The following PPARGC1B variants were observed in gnomAD, a reference collection of about 807,000 sequenced individuals.
PPARGC1B encodes peroxisome proliferator-activated receptor gamma coactivator 1-beta.
In PPARGC1B, 34 loss-of-function variants were observed where a neutral mutation model predicts 101.6. The observed-to-expected ratio is 0.33, with a 90% CI of 0.25 to 0.45. The LOEUF is 0.45. Ranked by LOEUF, PPARGC1B falls within the 20% of genes least tolerant of loss-of-function variation. The pLI is 1.00. For missense variants in PPARGC1B, 1,234 were observed against 1,317.6 expected, an observed-to-expected ratio of 0.94 and a Z score of 0.98; for synonymous variants, 548 against 539.3, an observed-to-expected ratio of 1.02 and a Z score of -0.22.
intron 1 of PPARGC1B, among the ~76,000 whole-genome samples, chr5:149,770,900 C>A (rs1387376042): frequency 6.6e-6 from 1 of 151,898 alleles, no homozygotes; most frequent in Non-Finnish European, 1.5e-5. Context: ...GTATGAGACA[C>A]CTTGAGTGAT....
At chr5:149,797,486 A>G (rs1257971863) in intron 1 of PPARGC1B, among the ~76,000 whole-genome samples, 2 of 152,254 alleles carry the variant, frequency 1.3e-5, no homozygotes, top group Non-Finnish European at 2.9e-5. Flanking sequence ...CCAAATTATA[A>G]GTAATTATTA....
chr5:149,803,090 C>T (rs1007707151), intron 1 of PPARGC1B, among the ~76,000 whole-genome samples: 1 of 152,186 alleles, frequency 6.6e-6, no homozygotes, highest in African/African-American at 2.4e-5. Context: ...CGTGCTGACC[C>T]TGCATGTCTC....
chr5:149,823,603 G>A (rs901931119), intron 2 of PPARGC1B, among the ~76,000 whole-genome samples: 4 of 152,110 alleles, frequency 2.6e-5, no homozygotes, highest in African/African-American at 9.7e-5. Flanking sequence ...CTCTGTTTCT[G>A]TGCTGAGCAG....
intron 1 of PPARGC1B, among the ~76,000 whole-genome samples, chr5:149,757,100 G>T (rs1027363507): frequency 3.3e-5 from 5 of 152,144 alleles, no homozygotes; most frequent in Non-Finnish European, 5.9e-5. Flanking sequence ...TAAAACAAGG[G>T]CATGTCATGG....
At chr5:149,741,532 GT>G (rs1311696121) in intron 1 of PPARGC1B, among the ~76,000 whole-genome samples, 2 of 152,104 alleles carry the variant, frequency 1.3e-5, no homozygotes, top group Non-Finnish European at 2.9e-5. Context: ...AGCCTCAAAT[GT>G]CCATGTAGCT....
At chr5:149,845,987 C>G (rs1370167280) in intron 11 of PPARGC1B, 73 bp downstream of exon 11, 1 of 1,587,416 alleles carries the variant, frequency 6.3e-7, no homozygotes, top group Non-Finnish European at 8.6e-7. Flanking sequence ...TTGAACAAAA[C>G]CCAGAGCTAA....
intron 1 of PPARGC1B, among the ~76,000 whole-genome samples, chr5:149,744,519 G>C (rs1273774155): frequency 6.6e-6 from 1 of 152,134 alleles, no homozygotes; most frequent in African/African-American, 2.4e-5. Context: ...TCTGAGGAAA[G>C]GTACATTCTG....
Position 149,820,503 on chromosome 5 carries a change from G to A in PPARGC1B, c.149G>A (p.Ser50Asn), listed in dbSNP as rs146830741. Residue 50 changes from serine to asparagine, a missense_variant, in exon 2 of 12, where the codon AGC becomes AAC. Physicochemically the swap from Ser to Asn is conservative, Grantham distance 46 (BLOSUM62 1). Coordinates refer to ENST00000309241, the MANE Select transcript of PPARGC1B (RefSeq NM_133263.4). ...CTTGACCTCTCCCAGCTGGATGCCA[G>A]CGACTTTGACTCGGCCACCTGCTTT... Reference protein sequence around the residue: ...PELDLSQLDASDFDSATCFGE... With the variant: ...PELDLSQLDANDFDSATCFGE... 3.3e-5 allele frequency: 54 copies of A among 1,613,962 alleles called. No homozygotes were observed. In the African/African-American group the frequency reaches 4.5e-4, roughly 14 times the overall value.
chr5:149,757,615 G>A (rs551785177), intron 1 of PPARGC1B, among the ~76,000 whole-genome samples: 14 of 152,198 alleles, frequency 9.2e-5, no homozygotes, highest in African/African-American at 2.4e-4. Flanking sequence ...TAGTGTCAGC[G>A]TCTGCAGCCA....
rs779985626 is a variant in PPARGC1B at position 149,845,805 on chromosome 5, G to C, written c.2862G>C (p.Ala954=). Reference sequence around the variant, plus strand: ...TCACCTACCGGTGTTCTGAGCACGCGGCCCTCTCTTTGACAAAGGGCGCTG... The same window carrying C: ...TCACCTACCGGTGTTCTGAGCACGCCGCCCTCTCTTTGACAAAGGGCGCTG... ...GFITYRCSEH[A]ALSLTKGAAL... is the part of the protein sequence containing the mutation. The change falls in exon 11 of 12, where the codon GCG becomes GCC. Residue 954 remains alanine (A), a synonymous_variant. Coordinates refer to ENST00000309241, the MANE Select transcript of PPARGC1B (RefSeq NM_133263.4). 5 of 1,613,958 alleles carry C rather than the reference G, an allele frequency of 3.1e-6. No homozygotes were observed. The Admixed American group carries it at 8.3e-5, about 27-fold the overall frequency.
chr5:149,772,446 G>C (rs1182376737), intron 1 of PPARGC1B, among the ~76,000 whole-genome samples: 1 of 152,174 alleles, frequency 6.6e-6, no homozygotes. Flanking sequence ...TAGGGCTACT[G>C]TAATAAAGTA....
intron 1 of PPARGC1B, among the ~76,000 whole-genome samples, chr5:149,768,881 C>T (rs896064667): frequency 1.3e-5 from 2 of 152,088 alleles, no homozygotes; most frequent in Non-Finnish European, 2.9e-5. Flanking sequence ...TCTTGAACTC[C>T]TGAGCTCAAG....
chr5:149,755,633 A>G (rs1242301798), intron 1 of PPARGC1B, among the ~76,000 whole-genome samples: 1 of 142,488 alleles, frequency 7.0e-6, no homozygotes, highest in East Asian at 2.0e-4. Context: ...TATTATTATT[A>G]TTATTATTAT....
chr5:149,809,687 TAAAAAAAAA>T (rs35168335), intron 1 of PPARGC1B, among the ~76,000 whole-genome samples: 2 of 109,230 alleles, frequency 1.8e-5, no homozygotes, highest in Non-Finnish European at 3.6e-5. Flanking sequence ...GATCCTTTCT[TAAAAAAAAA>T]AAAAAAAAAA....
chr5:149,789,066 A>G (rs1226367569), intron 1 of PPARGC1B, among the ~76,000 whole-genome samples: 2 of 152,188 alleles, frequency 1.3e-5, no homozygotes, highest in African/African-American at 4.8e-5. Flanking sequence ...TACCCTAGAA[A>G]GAACTTAAGT....
intron 1 of PPARGC1B, among the ~76,000 whole-genome samples, chr5:149,809,232 CATAGATAGATAGATAGATAG>C (rs780945170): frequency 6.1e-4 from 5 of 8,154 alleles, no homozygotes; most frequent in African/African-American, 1.3e-3. Context: ...CCATCTCTAC[CATAGATAGATAGATAGATAG>C]ATAGATAGAT....
chr5:149,773,249 G>A (rs956307699), intron 1 of PPARGC1B, among the ~76,000 whole-genome samples: 3 of 152,236 alleles, frequency 2.0e-5, no homozygotes, highest in Admixed American at 2.0e-4. Flanking sequence ...AGAGCTACAT[G>A]TCTCTTACTA....
chr5:149,734,023 T>C (rs747691118), intron 1 of PPARGC1B, among the ~76,000 whole-genome samples: 4 of 152,130 alleles, frequency 2.6e-5, no homozygotes, highest in African/African-American at 4.8e-5. Context: ...TCACATCTTA[T>C]TTTTAAAAAA....
intron 1 of PPARGC1B, among the ~76,000 whole-genome samples, chr5:149,770,877 G>T (rs374643186): frequency 5.3e-5 from 8 of 152,066 alleles, no homozygotes; most frequent in African/African-American, 1.9e-4. Context: ...AAACACAAGG[G>T]TTGATTGGAA....
Sources: gnomAD v4.1 joint callset for allele counts (sites outside exome capture counted in the v4.1 genomes callset) on GRCh38, gnomAD v4.1.1 for gene constraint, MANE v1.5 for transcripts, NCBI Gene and HGNC (gene_info 2026-07-23, HGNC 2026-07-21) for gene names.